VPS41: variants seen among roughly 807,000 people sequenced by gnomAD.
VPS41 encodes the protein VPS41 subunit of HOPS complex.
VPS41 carries 85 observed loss-of-function variants against 130.9 expected under a neutral mutation model. The observed-to-expected ratio is 0.65, with a 90% CI of 0.55 to 0.78. The LOEUF (loss-of-function observed/expected upper bound fraction) is 0.78, where lower values mean the gene tolerates loss of function less well. Among genes scored for constraint, VPS41 ranks in the 30% least tolerant of loss-of-function variants. The pLI, the probability that VPS41 is intolerant of heterozygous loss-of-function variation, is 0.00. For missense variants in VPS41, 874 were observed against 1,018.7 expected (o/e 0.86, Z 1.93); for synonymous variants, 335 against 332.9 (o/e 1.01, Z -0.07).
intron 12 of VPS41, among the ~76,000 whole-genome samples, chr7:38,773,112 G>A (rs936677931): frequency 1.3e-5 from 2 of 152,118 alleles, no homozygotes; most frequent in African/African-American, 2.4e-5. Flanking sequence ...CATGGTCAGC[G>A]ATAAATGTTT....
intron 3 of VPS41, among the ~76,000 whole-genome samples, chr7:38,863,702 G>A (rs1198994969): frequency 6.6e-6 from 1 of 152,030 alleles, no homozygotes; most frequent in African/African-American, 2.4e-5. Context: ...AGTCCCCAGG[G>A]TAAAAAAAAT....
intron 22 of VPS41, among the ~76,000 whole-genome samples, chr7:38,749,477 G>C (rs1297213149): frequency 1.3e-5 from 2 of 152,182 alleles, no homozygotes; most frequent in Non-Finnish European, 2.9e-5. Flanking sequence ...AATGGGTTCT[G>C]AATATGCCTT....
intron 2 of VPS41, among the ~76,000 whole-genome samples, chr7:38,892,145 G>C (rs1484233627): frequency 6.6e-6 from 1 of 151,844 alleles, no homozygotes; most frequent in East Asian, 1.9e-4. Flanking sequence ...ATTATACATA[G>C]AGAAAATTCC....
intron 2 of VPS41, among the ~76,000 whole-genome samples, chr7:38,876,972 A>G (rs1786505665): frequency 1.3e-5 from 2 of 152,214 alleles, no homozygotes; most frequent in Non-Finnish European, 2.9e-5. Context: ...ATTTCCTTCT[A>G]GCCATATGGA....
chr7:38,838,280 C>T (rs953524140), intron 4 of VPS41, among the ~76,000 whole-genome samples: 6 of 151,960 alleles, frequency 3.9e-5, no homozygotes, highest in African/African-American at 1.4e-4. Flanking sequence ...AGGATATTCC[C>T]AAACATAGAG....
chr7:38,846,000 C>G (rs1424580926), intron 4 of VPS41, among the ~76,000 whole-genome samples: 1 of 151,978 alleles, frequency 6.6e-6, no homozygotes, highest in Non-Finnish European at 1.5e-5. Flanking sequence ...AACAAAGATA[C>G]AAAAGAAAGA....
At chr7:38,788,978 C>T (rs980478014) in intron 10 of VPS41, among the ~76,000 whole-genome samples, 4 of 152,166 alleles carry the variant, frequency 2.6e-5, no homozygotes, top group Non-Finnish European at 5.9e-5. Flanking sequence ...TACCCATCCA[C>T]CAAGCAAATG....
chr7:38,761,259 C>T (rs371007426), intron 17 of VPS41, among the ~76,000 whole-genome samples: 1 of 95,972 alleles, frequency 1.0e-5, no homozygotes, highest in African/African-American at 3.8e-5. Context: ...CTCTCTCTTC[C>T]TCTCTTTTTT....
chr7:38,854,866 C>T (rs1229603993), intron 4 of VPS41, among the ~76,000 whole-genome samples: 1 of 144,908 alleles, frequency 6.9e-6, no homozygotes, highest in African/African-American at 2.6e-5. Context: ...AAAAAAAAAG[C>T]AAAGTGGAGG....
chr7:38,760,864 A>G (rs948906847), intron 17 of VPS41, among the ~76,000 whole-genome samples: 1 of 152,142 alleles, frequency 6.6e-6, no homozygotes, highest in Non-Finnish European at 1.5e-5. Context: ...AATGTGATAG[A>G]AGCTGCTTCT....
At chr7:38,801,693 G>C (rs1450237624) in intron 7 of VPS41, among the ~76,000 whole-genome samples, 1 of 152,168 alleles carries the variant, frequency 6.6e-6, no homozygotes, top group Non-Finnish European at 1.5e-5. Context: ...TGAGATTGGT[G>C]TGTTTACCTT....
chr7:38,869,227 C>T lies in VPS41; in HGVS notation c.87G>A (p.Lys29=). The T allele has an allele frequency of 4.3e-6, 7 of 1,612,352 alleles. No homozygotes were observed. The highest frequency in any genetic ancestry group is 5.9e-6 in the Non-Finnish European group (7 of 1,178,950). Residue 29 remains lysine, a synonymous_variant, in exon 3 of 29, where the codon AAG becomes AAA. Coordinates refer to ENST00000310301, the MANE Select transcript of VPS41 (RefSeq NM_014396.4). ...CATTGGAAAGCCTTTCATACTTCAG[C>T]TTGGGTTCCTCTTCGCTCTCTTCTT... The part of the protein sequence containing the change: ...SEEEESEEEP[K]LKYERLSNGV...
intron 16 of VPS41, among the ~76,000 whole-genome samples, chr7:38,764,148 A>G (rs1783979325): frequency 6.6e-6 from 1 of 152,220 alleles, no homozygotes; most frequent in South Asian, 2.1e-4. Context: ...TATGCAGACA[A>G]TTAAACAGAC....
Position 38,797,016 on chromosome 7 carries a change from A to G in VPS41, c.451-152T>C, listed in dbSNP as rs1468773899. On this transcript the variant is annotated intron_variant, in intron 7 of 28. Coordinates refer to ENST00000310301, the MANE Select transcript of VPS41 (RefSeq NM_014396.4). ...AGACTTACAGTAGTATGTTATTTGT[A>G]CCTTGGAAAGAATTCCTAGCACATC... is the stretch of plus-strand genomic sequence containing the variant. The G allele has an allele frequency of 7.2e-6, 6 of 838,170 alleles. No individual in the cohort carries two copies. In the East Asian group the frequency reaches 1.6e-4, roughly 23 times the overall value. The allele number at this position is 838,170 out of a possible 1,614,324, so 51.9% of individuals were successfully genotyped here.
chr7:38,733,460 T>C (rs1054053160), intron 25 of VPS41, among the ~76,000 whole-genome samples: 1 of 152,208 alleles, frequency 6.6e-6, no homozygotes, highest in Non-Finnish European at 1.5e-5. Context: ...TTTTGTGATG[T>C]TTCCTGAAGG....
chr7:38,740,037 T>C (rs1795851808), intron 25 of VPS41, among the ~76,000 whole-genome samples: 1 of 152,220 alleles, frequency 6.6e-6, no homozygotes, highest in African/African-American at 2.4e-5. Context: ...CTTGGTTCTC[T>C]GGAAGAATGA....
chr7:38,800,907 G>A lies in VPS41; in HGVS notation c.451-4043C>T, dbSNP rs190242685. On this transcript the variant is annotated intron_variant, in intron 7 of 28. Transcript: ENST00000310301. ...GTAATGTTTGAGGCATATTGAACAT[G>A]TATTAGAATGAATTTACATAAACTG... Among the ~76,000 whole-genome samples, 13 of 152,278 alleles carry A rather than the reference G, an allele frequency of 8.5e-5. No individual in the cohort carries two copies. In the East Asian group the frequency reaches 2.5e-3, roughly 29 times the overall value.
chr7:38,831,588 T>C (rs1249242599), intron 4 of VPS41, among the ~76,000 whole-genome samples: 1 of 152,264 alleles, frequency 6.6e-6, no homozygotes, highest in African/African-American at 2.4e-5. Flanking sequence ...TCCTTCTATA[T>C]ACACGTTTAT....
At chr7:38,817,953 C>T in intron 6 of VPS41, 71 bp from the exon 7 acceptor site, 3 of 1,150,166 alleles carry the variant, frequency 2.6e-6, no homozygotes, top group Admixed American at 3.4e-5. Flanking sequence ...ACCCCTGACA[C>T]AGTTCAAGCA....
Sources: allele counts gnomAD v4.1 joint callset (sites outside exome capture counted in the v4.1 genomes callset), GRCh38; gene constraint gnomAD v4.1.1; transcripts MANE v1.5; gene names NCBI Gene and HGNC (gene_info 2026-07-23, HGNC 2026-07-21).